HMGB1: variants seen among roughly 807,000 people sequenced by gnomAD.
HMGB1 encodes the protein high mobility group box 1, also known as high mobility group protein B1.
For missense variants in HMGB1, 79 were observed against 253.5 expected, an observed-to-expected ratio of 0.31 and a Z score of 4.67; for synonymous variants, 81 against 84.0, an observed-to-expected ratio of 0.96 and a Z score of 0.19.
chr13:30,506,500 C>T (rs1017975457), intron 1 of HMGB1, among the ~76,000 whole-genome samples: 2 of 152,158 alleles, frequency 1.3e-5, no homozygotes, highest in Non-Finnish European at 2.9e-5. Context: ...CCCATCTGCC[C>T]TCACACTTCT....
At chr13:30,538,629 CTT>C (rs71780274) in intron 1 of HMGB1, among the ~76,000 whole-genome samples, 7,052 of 76,998 alleles carry the variant, frequency 0.092, 1,335 homozygotes, top group African/African-American at 0.4. Flanking sequence ...CTCTCTCTTT[CTT>C]TTTCTTTCTT....
chr13:30,565,282 A>T (rs1343059426), intron 1 of HMGB1, among the ~76,000 whole-genome samples: 1 of 152,120 alleles, frequency 6.6e-6, no homozygotes, highest in African/African-American at 2.4e-5. Flanking sequence ...CAAACAACCC[A>T]CACATCTAGA....
rs1451802732 is a variant in HMGB1 at position 30,460,061 on chromosome 13, A to G, written c.*1296T>C. 6.6e-6 allele frequency: 1 copy of G among 152,610 alleles called. No individual in the cohort carries two copies. Among genetic ancestry groups the G allele is most frequent in the Non-Finnish European group, 1.5e-5 (1 of 67,998 alleles). The allele number at this position is 152,610 out of a possible 1,614,324, so 9.5% of individuals were successfully genotyped here. A position where few individuals can be genotyped will look rare whatever the true frequency, so the allele number is the denominator to read the frequency against. ...AGAAAACGATAATCTCGAAAACCAC[A>G]AAATTGCCAAATTGTTCCCTAAACT... On this transcript the variant is annotated 3_prime_UTR_variant, in exon 5 of 5. Coordinates refer to ENST00000341423, the MANE Select transcript of HMGB1 (RefSeq NM_002128.7).
chr13:30,474,929 CTT>C (rs1491417828), intron 1 of HMGB1, among the ~76,000 whole-genome samples: 3 of 123,414 alleles, frequency 2.4e-5, no homozygotes, highest in Non-Finnish European at 3.3e-5. Flanking sequence ...GGCTCACTCT[CTT>C]TCTCTTTTTT....
chr13:30,606,668 A>G (rs1487616408), intron 1 of HMGB1, among the ~76,000 whole-genome samples: 4 of 152,250 alleles, frequency 2.6e-5, no homozygotes, highest in African/African-American at 7.2e-5. Context: ...TCTATGTAAT[A>G]AACAGCTTAC....
chr13:30,563,788 G>T (rs181727815), intron 1 of HMGB1, among the ~76,000 whole-genome samples: 142 of 152,330 alleles, frequency 9.3e-4, no homozygotes, highest in Non-Finnish European at 1.2e-3. Context: ...TTATGTGAGT[G>T]AAACGTTTAA....
At chr13:30,597,132 T>C (rs1871650800) in intron 1 of HMGB1, among the ~76,000 whole-genome samples, 1 of 152,202 alleles carries the variant, frequency 6.6e-6, no homozygotes, top group Admixed American at 6.5e-5. Context: ...CTACAATACC[T>C]GTGAATGTGA....
chr13:30,505,326 G>A (rs34460752), intron 1 of HMGB1, among the ~76,000 whole-genome samples: 44,413 of 151,394 alleles, frequency 0.29, 7,541 homozygotes, highest in Middle Eastern at 0.44. Context: ...TTACAGGTGC[G>A]TGCCACCAGG....
At chr13:30,464,809 G>C (rs1409934838) in intron 1 of HMGB1, 1 of 174,546 alleles carries the variant, frequency 5.7e-6, no homozygotes, top group African/African-American at 2.4e-5. Context: ...GTGTGAGTGC[G>C]AGGGTGCGGG....
intron 1 of HMGB1, chr13:30,554,338 G>A (rs1869577378): frequency 1.1e-5 from 10 of 896,090 alleles, no homozygotes; most frequent in Middle Eastern, 2.5e-4. Flanking sequence ...CTGGGTGCAC[G>A]GGCACCTTCT....
intron 1 of HMGB1, among the ~76,000 whole-genome samples, chr13:30,479,742 G>C (rs965296889): frequency 5.3e-5 from 8 of 152,208 alleles, no homozygotes; most frequent in African/African-American, 1.7e-4. Context: ...CAAGAGTGTT[G>C]TGAGTTTCAA....
chr13:30,506,772 C>T (rs566634266), intron 1 of HMGB1, among the ~76,000 whole-genome samples: 3 of 152,124 alleles, frequency 2.0e-5, no homozygotes, highest in Non-Finnish European at 4.4e-5. Context: ...GAGTGGGGTG[C>T]GCTCCTGCAG....
intron 1 of HMGB1, among the ~76,000 whole-genome samples, chr13:30,472,725 A>G (rs1161510728): frequency 6.6e-6 from 1 of 152,216 alleles, no homozygotes; most frequent in Admixed American, 6.5e-5. Context: ...GTCAAGCTAT[A>G]TGAATTCTCT....
intron 1 of HMGB1, among the ~76,000 whole-genome samples, chr13:30,596,372 C>T (rs982051080): frequency 2.0e-5 from 3 of 152,144 alleles, no homozygotes; most frequent in Non-Finnish European, 2.9e-5. Context: ...GTTTACCATA[C>T]GCGCCTTAGC....
At chr13:30,462,173 G>T (rs1406625425) in intron 4 of HMGB1, among the ~76,000 whole-genome samples, 1 of 152,096 alleles carries the variant, frequency 6.6e-6, no homozygotes, top group Non-Finnish European at 1.5e-5. Flanking sequence ...AAATGTTTCA[G>T]GATATGACTA....
rs193056442 is a variant in HMGB1, at chr13:30,463,383, G to C, written c.151-31C>G. 8 of 1,573,180 alleles carry C rather than the reference G, an allele frequency of 5.1e-6. No homozygotes were observed. In the East Asian group the frequency reaches 1.8e-4, roughly 35 times the overall value. ...AAATAATTATTTGTAAGTTTAAGTT[G>C]TAACATTTAAGTAAATTATCCTCAA... On this transcript the variant is annotated intron_variant, in intron 2 of 4. Coordinates refer to ENST00000341423, the MANE Select transcript of HMGB1 (RefSeq NM_002128.7).
chr13:30,612,230 C>T (rs947949495), intron 1 of HMGB1, among the ~76,000 whole-genome samples: 2 of 152,076 alleles, frequency 1.3e-5, no homozygotes, highest in African/African-American at 4.8e-5. Context: ...CACACATACA[C>T]ATATATACAC....
intron 1 of HMGB1, among the ~76,000 whole-genome samples, chr13:30,520,229 C>G (rs778634094): frequency 1.3e-5 from 2 of 152,058 alleles, no homozygotes; most frequent in Middle Eastern, 3.4e-3. Context: ...GGCTGAGGCA[C>G]GAGAATCACT....
intron 1 of HMGB1, among the ~76,000 whole-genome samples, chr13:30,538,486 CTTT>C (rs1566018708): frequency 2.2e-4 from 8 of 36,402 alleles, no homozygotes; most frequent in Admixed American, 1.9e-3. Context: ...TTCTTTCTTT[CTTT>C]CTTTCTTTCT....
Sources: allele counts gnomAD v4.1 joint callset (sites outside exome capture counted in the v4.1 genomes callset), GRCh38; gene constraint gnomAD v4.1.1; transcripts MANE v1.5; gene names NCBI Gene and HGNC (gene_info 2026-07-23, HGNC 2026-07-21).